Variants in SPAG16 observed in about 807,000 individuals in gnomAD.
SPAG16 encodes sperm-associated antigen 16 protein.
SPAG16 carries 86 observed loss-of-function variants against 80.4 expected under a neutral mutation model. That is an observed-to-expected ratio of 1.07 (90% CI 0.90 to 1.28). The LOEUF (loss-of-function observed/expected upper bound fraction) is 1.28. Ranked by LOEUF, SPAG16 falls within the 50% of genes most tolerant of loss-of-function variation. The probability of loss-of-function intolerance (pLI) is 0.00; values close to 1 mark genes in which losing one functional copy is unlikely to be tolerated. For missense variants in SPAG16, 870 were observed against 765.3 expected, an observed-to-expected ratio of 1.14 and a Z score of -1.61; for synonymous variants, 294 against 265.9, an observed-to-expected ratio of 1.11 and a Z score of -1.03.
intron 12 of SPAG16, among the ~76,000 whole-genome samples, chr2:213,992,256 C>T (rs756578209): frequency 2.0e-5 from 3 of 151,982 alleles, no homozygotes; most frequent in Non-Finnish European, 2.9e-5. Flanking sequence ...AATTGTTTAG[C>T]GTTGCAGAAA....
chr2:213,565,565 GT>G (rs2059732909), intron 10 of SPAG16, among the ~76,000 whole-genome samples: 1 of 152,214 alleles, frequency 6.6e-6, no homozygotes, highest in South Asian at 2.1e-4. Flanking sequence ...TCCCCTTAGT[GT>G]TTTTAATTCC....
intron 5 of SPAG16, among the ~76,000 whole-genome samples, chr2:213,334,555 T>C (rs1300191804): frequency 2.0e-5 from 3 of 152,172 alleles, no homozygotes; most frequent in Admixed American, 1.3e-4. Flanking sequence ...GAAAGCAACC[T>C]AAGTGTCTAT....
At chr2:214,064,681 A>G (rs2050448893) in intron 13 of SPAG16, among the ~76,000 whole-genome samples, 1 of 152,096 alleles carries the variant, frequency 6.6e-6, no homozygotes, top group Non-Finnish European at 1.5e-5. Context: ...TCAGCTGTTC[A>G]TTTGATATAT....
chr2:214,246,279 G>T (rs1249152151), intron 15 of SPAG16, among the ~76,000 whole-genome samples: 2 of 152,234 alleles, frequency 1.3e-5, no homozygotes, highest in African/African-American at 2.4e-5. Flanking sequence ...GGCAGATTCA[G>T]ATTGTATTTT....
chr2:214,387,203 T>G (rs2126120041), intron 15 of SPAG16, among the ~76,000 whole-genome samples: 1 of 152,338 alleles, frequency 6.6e-6, no homozygotes. Context: ...TTTGTGTTCT[T>G]AAGATGCCAT....
At chr2:213,438,027 G>A (rs2070739435) in intron 9 of SPAG16, among the ~76,000 whole-genome samples, 1 of 152,190 alleles carries the variant, frequency 6.6e-6, no homozygotes, top group Non-Finnish European at 1.5e-5. Flanking sequence ...ATTTAGGGAT[G>A]GTTGCATCTG....
At chr2:213,803,234 C>G (rs1037380176) in intron 10 of SPAG16, among the ~76,000 whole-genome samples, 3 of 152,116 alleles carry the variant, frequency 2.0e-5, no homozygotes, top group Non-Finnish European at 4.4e-5. Flanking sequence ...GGCAAGATGA[C>G]AGATTGGACA....
chr2:214,103,356 C>T (rs1176025022), intron 13 of SPAG16, among the ~76,000 whole-genome samples: 3 of 152,174 alleles, frequency 2.0e-5, no homozygotes, highest in African/African-American at 7.2e-5. Context: ...ACCTGTAGCA[C>T]CTGCATTTCA....
Position 213,862,609 on chromosome 2 carries a change from G to C in SPAG16, c.1195G>C (p.Asp399His). Residue 399 changes from aspartate to histidine, a missense_variant, in exon 11 of 16, where the codon GAC (aspartate) becomes CAC (histidine). Asp to His is a moderately conservative substitution (Grantham distance 81, BLOSUM62 -1). Transcript: ENST00000331683. The part of the protein sequence containing the change: ...TGFGHTDWLS[D>H]CCFHPSGDKL... ...ATTTGGCCACACTGACTGGCTTTCA[G>C]ACTGCTGCTTCCATCCCAGGTCAGT... 2 of 1,614,052 alleles carry C rather than the reference G, an allele frequency of 1.2e-6. No homozygotes were observed. The highest frequency in any genetic ancestry group is 1.7e-6 in the Non-Finnish European group (2 of 1,179,978).
At chr2:214,138,763 G>C (rs752308178) in intron 14 of SPAG16, among the ~76,000 whole-genome samples, 3 of 152,102 alleles carry the variant, frequency 2.0e-5, no homozygotes, top group Non-Finnish European at 4.4e-5. Flanking sequence ...ATTCAGAGAG[G>C]AAATAGCTTA....
intron 10 of SPAG16, among the ~76,000 whole-genome samples, chr2:213,803,981 A>G (rs775867142): frequency 2.4e-4 from 37 of 152,212 alleles, no homozygotes; most frequent in Non-Finnish European, 5.0e-4. Context: ...ATCCACTGCT[A>G]AATACTAAAT....
At chr2:213,840,602 A>G (rs2074314981) in intron 10 of SPAG16, among the ~76,000 whole-genome samples, 1 of 152,220 alleles carries the variant, frequency 6.6e-6, no homozygotes, top group African/African-American at 2.4e-5. Context: ...TGTCTACATC[A>G]ACAGTTCAAA....
rs71063777 is a variant in SPAG16, at chr2:213,784,626, TAAAAAAAAAAAAAAAAA to T, written c.1071-77848_1071-77832del. On this transcript the variant is annotated intron_variant, in intron 10 of 15. Transcript: ENST00000331683. ...AAAATAAATGCACAGCAATTATTTC[TAAAAAAAAAAAAAAAAA>T]AAAAAAAAAAGAACTGTGAGAGCTC... 8.3e-5 allele frequency among the ~76,000 whole-genome samples: 4 copies of T among 47,906 alleles called. No individual in the cohort carries two copies. In the East Asian group the frequency reaches 2.2e-3, roughly 26 times the overall value. 31.4% of individuals were successfully genotyped at this position (47,906 alleles called of 152,430 possible). A position where few individuals can be genotyped will look rare whatever the true frequency, so the allele number is the denominator to read the frequency against.
intron 10 of SPAG16, among the ~76,000 whole-genome samples, chr2:213,764,067 G>A (rs2068804458): frequency 6.6e-6 from 1 of 152,170 alleles, no homozygotes; most frequent in Admixed American, 6.5e-5. Flanking sequence ...CAAAGACTCA[G>A]GACTATTGCT....
At chr2:213,929,870 C>T (rs892840411) in intron 11 of SPAG16, 90 bp from the exon 12 acceptor site, 12 of 1,109,334 alleles carry the variant, frequency 1.1e-5, no homozygotes, top group Admixed American at 4.2e-5. Context: ...CAGATACATA[C>T]ACATACACAC....
At chr2:213,840,165 G>C (rs1264412129) in intron 10 of SPAG16, among the ~76,000 whole-genome samples, 2 of 152,082 alleles carry the variant, frequency 1.3e-5, no homozygotes, top group Admixed American at 6.6e-5. Context: ...AATGTTGATA[G>C]GAAATAAAGA....
At chr2:213,809,430 T>C (rs1331320404) in intron 10 of SPAG16, among the ~76,000 whole-genome samples, 1 of 152,118 alleles carries the variant, frequency 6.6e-6, no homozygotes, top group Non-Finnish European at 1.5e-5. Flanking sequence ...ACAGGAAACA[T>C]CTAAGGTCAT....
chr2:214,336,189 G>A (rs1559222753), intron 15 of SPAG16, among the ~76,000 whole-genome samples: 1 of 152,160 alleles, frequency 6.6e-6, no homozygotes, highest in Non-Finnish European at 1.5e-5. Context: ...CATTTTTATG[G>A]TGAGCTTCAG....
chr2:214,259,779 A>G (rs2125868424), intron 15 of SPAG16, among the ~76,000 whole-genome samples: 1 of 152,242 alleles, frequency 6.6e-6, no homozygotes, highest in South Asian at 2.1e-4. Flanking sequence ...TACCAAAAGC[A>G]CAATTCCCAC....
Sources: allele counts gnomAD v4.1 joint callset (sites outside exome capture counted in the v4.1 genomes callset), GRCh38; gene constraint gnomAD v4.1.1; transcripts MANE v1.5; gene names NCBI Gene and HGNC (gene_info 2026-07-23, HGNC 2026-07-21).